GLIS3: variants seen among roughly 807,000 people sequenced by gnomAD.
The protein encoded by GLIS3 is GLIS family zinc finger 3.
A neutral mutation model predicts 78.6 loss-of-function variants in GLIS3; 53 were observed. That is an observed-to-expected ratio of 0.67 (90% CI 0.54 to 0.85). The LOEUF (loss-of-function observed/expected upper bound fraction) is 0.85. Among genes scored for constraint, GLIS3 ranks in the 40% least tolerant of loss-of-function variants. The probability of loss-of-function intolerance (pLI) is 0.00; values close to 1 mark genes in which losing one functional copy is unlikely to be tolerated. For synonymous variants in GLIS3, 684 were observed against 509.9 expected (o/e 1.34, Z -4.60); for missense variants, 1,703 against 1,231.1 (o/e 1.38, Z -5.74).
In GLIS3 at chr9:3,907,886, C is replaced by T. The variant is rs907060678; in HGVS notation, c.1984-9051G>A. On this transcript the variant is annotated intron_variant, in intron 6 of 10. Coordinates refer to ENST00000381971, the MANE Select transcript of GLIS3 (RefSeq NM_001042413.2). ...TTGTGGGGAAGGCATTCTAAACTTA[C>T]TCTGATTTGGTTCAAGAATGTCGAG... 2.6e-5 allele frequency among the ~76,000 whole-genome samples: 4 copies of T among 152,126 alleles called. No homozygotes were observed. The South Asian group carries it at 6.2e-4, about 24-fold the overall frequency.
At chr9:4,032,260 T>C (rs1280423243) in intron 4 of GLIS3, among the ~76,000 whole-genome samples, 2 of 152,174 alleles carry the variant, frequency 1.3e-5, no homozygotes, top group African/African-American at 4.8e-5. Flanking sequence ...GAGGGGCTGG[T>C]TTCAGCGGAA....
At chr9:4,316,438 C>G (rs1817437748) in intron 2 of GLIS3, among the ~76,000 whole-genome samples, 1 of 152,192 alleles carries the variant, frequency 6.6e-6, no homozygotes, top group Admixed American at 6.5e-5. Flanking sequence ...ACAGCAGGTC[C>G]TTAAATATCA....
At chr9:3,911,973 G>A (rs1190213595) in intron 6 of GLIS3, among the ~76,000 whole-genome samples, 2 of 152,040 alleles carry the variant, frequency 1.3e-5, no homozygotes, top group African/African-American at 2.4e-5. Context: ...ACCATAGTGT[G>A]GCGACATGGC....
At chr9:4,059,829 T>TGTGTGTGTGTGTGTGAGAGAGAGAGA in intron 4 of GLIS3, among the ~76,000 whole-genome samples, 1 of 100,648 alleles carries the variant, frequency 9.9e-6, no homozygotes, top group Non-Finnish European at 2.1e-5. Flanking sequence ...TGTGTGTGTG[T>TGTGTGTGTGTGTGTGAGAGAGAGAGA]GAGAGAGAGA....
At chr9:4,096,483 T>C (rs745494215) in intron 4 of GLIS3, among the ~76,000 whole-genome samples, 3 of 152,232 alleles carry the variant, frequency 2.0e-5, no homozygotes, top group Non-Finnish European at 4.4e-5. Context: ...TCATTTATAA[T>C]TTTTAAAGGT....
At position 4,175,712 on chromosome 9, in the gene GLIS3, C is replaced by T. The variant is rs12686650; in HGVS notation, c.389-49771G>A. 2.2e-4 allele frequency among the ~76,000 whole-genome samples: 33 copies of T among 152,290 alleles called. No individual in the cohort carries two copies. The East Asian group carries it at 5.8e-3, about 27-fold the overall frequency. ...TCCAAGTACTTTCCCCCATACATAACCACCATAACGCTGGGAGAAGGCCCA... is the reference window on the plus strand; with the variant it reads ...TCCAAGTACTTTCCCCCATACATAATCACCATAACGCTGGGAGAAGGCCCA... On this transcript the variant is annotated intron_variant, in intron 2 of 10. Transcript: ENST00000381971.
chr9:3,951,654 G>A (rs1337006777), intron 4 of GLIS3, among the ~76,000 whole-genome samples: 1 of 151,844 alleles, frequency 6.6e-6, no homozygotes, highest in Non-Finnish European at 1.5e-5. Flanking sequence ...TAAACTTCAG[G>A]GTGAACGGAC....
intron 8 of GLIS3, among the ~76,000 whole-genome samples, chr9:3,861,832 G>C (rs560352785): frequency 6.6e-6 from 1 of 152,146 alleles, no homozygotes; most frequent in Non-Finnish European, 1.5e-5. Context: ...TAATGCATGC[G>C]GGGCTTAATA....
At chr9:4,202,109 G>C (rs1226913845) in intron 2 of GLIS3, among the ~76,000 whole-genome samples, 1 of 151,520 alleles carries the variant, frequency 6.6e-6, no homozygotes, top group Non-Finnish European at 1.5e-5. Context: ...CTACAGTATA[G>C]CCTGGGTGAC....
the GLIS3 span, among the ~76,000 whole-genome samples, chr9:4,391,742 A>G: frequency 1.6e-3 from 244 of 152,336 alleles, 1 homozygote; most frequent in Non-Finnish European, 2.2e-3. Context: ...TAGTACAATG[A>G]AACACACATC....
chr9:4,464,868 C>G, the GLIS3 span, among the ~76,000 whole-genome samples: 19 of 152,092 alleles, frequency 1.2e-4, no homozygotes, highest in Admixed American at 4.6e-4. Context: ...GAGTTTAAAC[C>G]TGATGGAAAG....
chr9:4,206,704 C>T (rs1296146402), intron 2 of GLIS3, among the ~76,000 whole-genome samples: 1 of 152,188 alleles, frequency 6.6e-6, no homozygotes, highest in Non-Finnish European at 1.5e-5. Flanking sequence ...AAATGATATA[C>T]TGGTGAAAAA....
At chr9:3,868,302 C>A (rs1277778896) in intron 8 of GLIS3, among the ~76,000 whole-genome samples, 2 of 152,138 alleles carry the variant, frequency 1.3e-5, no homozygotes, top group African/African-American at 4.8e-5. Context: ...ACAAGTGAGA[C>A]CAAGTTATTG....
intron 4 of GLIS3, among the ~76,000 whole-genome samples, chr9:4,098,963 A>T (rs1830161391): frequency 6.6e-6 from 1 of 152,168 alleles, no homozygotes; most frequent in Non-Finnish European, 1.5e-5. Context: ...CACTACAAGT[A>T]AGTCTGAAGC....
At chr9:3,995,460 C>G (rs1394940171) in intron 4 of GLIS3, among the ~76,000 whole-genome samples, 2 of 151,618 alleles carry the variant, frequency 1.3e-5, no homozygotes, top group Admixed American at 6.6e-5. Flanking sequence ...GCAGAAACAG[C>G]CAGTAGAAAA....
intron 8 of GLIS3, among the ~76,000 whole-genome samples, chr9:3,873,390 C>T (rs1433348295): frequency 1.3e-5 from 2 of 151,956 alleles, no homozygotes; most frequent in African/African-American, 2.4e-5. Flanking sequence ...GCGATTTATA[C>T]GAGGGAAGCA....
At chr9:3,880,642 C>T (rs1821666439) in intron 7 of GLIS3, among the ~76,000 whole-genome samples, 2 of 152,080 alleles carry the variant, frequency 1.3e-5, no homozygotes, top group Admixed American at 6.5e-5. Context: ...GCCACATTAT[C>T]GAAAAGATTT....
intron 6 of GLIS3, among the ~76,000 whole-genome samples, chr9:3,904,725 A>C (rs920449287): frequency 2.0e-5 from 3 of 152,226 alleles, no homozygotes; most frequent in Non-Finnish European, 4.4e-5. Context: ...AGTGTGTTGG[A>C]TACTGTGTGC....
intron 2 of GLIS3, among the ~76,000 whole-genome samples, chr9:4,316,785 T>C (rs1440000514): frequency 1.3e-5 from 2 of 152,218 alleles, no homozygotes; most frequent in African/African-American, 4.8e-5. Flanking sequence ...ATAATTATCT[T>C]AGTTATTTTT....
Sources: allele counts gnomAD v4.1 joint callset (sites outside exome capture counted in the v4.1 genomes callset), GRCh38; gene constraint gnomAD v4.1.1; transcripts MANE v1.5; gene names NCBI Gene and HGNC (gene_info 2026-07-23, HGNC 2026-07-21).